MYO3B: variants seen among roughly 807,000 people sequenced by gnomAD.
MYO3B encodes myosin-IIIb.
In MYO3B, 156 loss-of-function variants were observed where a neutral mutation model predicts 174.6. The ratio of observed to expected loss-of-function variants is 0.89; its 90% confidence interval spans 0.78 to 1.02. The LOEUF (loss-of-function observed/expected upper bound fraction) is 1.02, where lower values mean the gene tolerates loss of function less well. MYO3B is among the 50% of genes least tolerant of loss of function. The pLI is 0.00. For synonymous variants in MYO3B, 563 were observed against 569.1 expected, an observed-to-expected ratio of 0.99 and a Z score of 0.15; for missense variants, 1,632 against 1,639.4, an observed-to-expected ratio of 1.00 and a Z score of 0.08.
intron 26 of MYO3B, among the ~76,000 whole-genome samples, chr2:170,499,088 CTGA>C (rs1575077296): frequency 6.6e-6 from 1 of 152,140 alleles, no homozygotes; most frequent in East Asian, 1.9e-4. Context: ...GCTGCATAGC[CTGA>C]TTATTAGTCT....
At chr2:170,391,749 G>T (rs1574903684) in intron 15 of MYO3B, 131 bp downstream of exon 15, 2 of 599,790 alleles carry the variant, frequency 3.3e-6, no homozygotes, top group East Asian at 6.4e-5. Context: ...CCCAGGGTGA[G>T]GTGGCAGGAA....
intron 4 of MYO3B, 58 bp from the exon 5 acceptor site, chr2:170,214,670 AG>A (rs1471110125): frequency 1.3e-6 from 2 of 1,493,584 alleles, no homozygotes; most frequent in Admixed American, 1.7e-5. Context: ...CTTTAAAATA[AG>A]CATGTAAATT....
Position 170,446,926 on chromosome 2 carries a change from G to T in MYO3B, c.2730+2880G>T, listed in dbSNP as rs79166906. ...AGAATTATGACTGAAAAACAAAAGG[G>T]TATGATTTAATGGTATTAAACTGGA... On this transcript the variant is annotated intron_variant, in intron 23 of 34. Transcript: ENST00000408978. Among the ~76,000 whole-genome samples the T allele has an allele frequency of 1.8e-4, 28 of 152,240 alleles. No homozygotes were observed. The East Asian group carries it at 4.8e-3, about 26-fold the overall frequency.
At chr2:170,325,364 T>A (rs796456516) in intron 7 of MYO3B, among the ~76,000 whole-genome samples, 101 of 152,078 alleles carry the variant, frequency 6.6e-4, no homozygotes, top group African/African-American at 2.3e-3. Flanking sequence ...CCCACCACCA[T>A]GTCCGGCTAA....
intron 8 of MYO3B, among the ~76,000 whole-genome samples, chr2:170,364,066 C>T (rs2094180925): frequency 6.6e-6 from 1 of 152,138 alleles, no homozygotes; most frequent in South Asian, 2.1e-4. Flanking sequence ...TTTGCAGAAA[C>T]AATAGCCCTC....
chr2:170,400,128 A>G (rs2094465417), intron 16 of MYO3B, 60 bp from the exon 17 acceptor site: 20 of 1,608,644 alleles, frequency 1.2e-5, no homozygotes, highest in Non-Finnish European at 1.5e-5. Context: ...CTACAGGTCT[A>G]ATGGTTCATT....
At chr2:170,382,139 C>A in intron 10 of MYO3B, 27 bp downstream of exon 10, 2 of 1,559,072 alleles carry the variant, frequency 1.3e-6, no homozygotes, top group South Asian at 1.1e-5. Flanking sequence ...AGACAATTCT[C>A]ATTGAAGACA....
Position 170,414,295 on chromosome 2 carries a change from C to T in MYO3B, c.2650+6451C>T, listed in dbSNP as rs545598209. ...ATCCATCTCCCAGGTTCAAGCAATT[C>T]TCCTGCCTCAGCCTCTTGAGTAGCT... is the stretch of plus-strand genomic sequence containing the variant. On this transcript the variant is annotated intron_variant, in intron 22 of 34. Transcript: ENST00000408978. Among the ~76,000 whole-genome samples the T allele has an allele frequency of 2.0e-3, 303 of 152,202 alleles. 1 individual carries two copies. Among genetic ancestry groups the T allele is most frequent in the African/African-American group, 7.1e-3 (295 of 41,544 alleles).
At chr2:170,603,888 G>A (rs1270908648) in intron 32 of MYO3B, among the ~76,000 whole-genome samples, 2 of 152,144 alleles carry the variant, frequency 1.3e-5, no homozygotes, top group Middle Eastern at 3.2e-3. Flanking sequence ...TAGGATGGTG[G>A]TCCCGTAAGA....
intron 22 of MYO3B, among the ~76,000 whole-genome samples, chr2:170,427,976 A>G (rs2094678611): frequency 6.6e-6 from 1 of 152,216 alleles, no homozygotes; most frequent in South Asian, 2.1e-4. Flanking sequence ...AGGAGAATAG[A>G]TGTTATAAAG....
intron 7 of MYO3B, among the ~76,000 whole-genome samples, chr2:170,244,008 G>A (rs541833945): frequency 5.7e-4 from 87 of 152,288 alleles, no homozygotes; most frequent in Middle Eastern, 3.4e-3. Context: ...CTGCACATGA[G>A]GAAGCAGGGC....
At chr2:170,336,094 G>A (rs1000089487) in intron 8 of MYO3B, among the ~76,000 whole-genome samples, 1 of 152,182 alleles carries the variant, frequency 6.6e-6, no homozygotes, top group South Asian at 2.1e-4. Context: ...GGGGTCATGG[G>A]CTTTTGGACC....
intron 22 of MYO3B, among the ~76,000 whole-genome samples, chr2:170,418,982 C>A (rs564899503): frequency 6.6e-6 from 1 of 152,276 alleles, no homozygotes; most frequent in African/African-American, 2.4e-5. Flanking sequence ...ATGGAGGGAT[C>A]CTTTGTGAGC....
intron 32 of MYO3B, among the ~76,000 whole-genome samples, chr2:170,587,231 A>T (rs1299514482): frequency 1.3e-5 from 2 of 152,262 alleles, no homozygotes; most frequent in Non-Finnish European, 2.9e-5. Context: ...CCTTCTACTT[A>T]TAAAACAATG....
At chr2:170,310,198 G>A (rs1291609624) in intron 7 of MYO3B, among the ~76,000 whole-genome samples, 1 of 152,200 alleles carries the variant, frequency 6.6e-6, no homozygotes, top group African/African-American at 2.4e-5. Flanking sequence ...TCGACGAAAA[G>A]CGTCAAACTC....
chr2:170,404,909 G>T (rs113279634), intron 20 of MYO3B, among the ~76,000 whole-genome samples: 5 of 152,128 alleles, frequency 3.3e-5, no homozygotes, highest in African/African-American at 1.2e-4. Flanking sequence ...AGGGCACCTC[G>T]TCCTGACATC....
intron 29 of MYO3B, among the ~76,000 whole-genome samples, chr2:170,519,043 C>T (rs1435380669): frequency 6.6e-6 from 1 of 152,192 alleles, no homozygotes; most frequent in Non-Finnish European, 1.5e-5. Context: ...GCTCCTTGCC[C>T]TATCCACATC....
chr2:170,600,278 G>A (rs546965797), intron 32 of MYO3B, among the ~76,000 whole-genome samples: 149 of 152,138 alleles, frequency 9.8e-4, no homozygotes, highest in Admixed American at 6.5e-3. Context: ...CATCACAAAA[G>A]CACGTAAAAT....
intron 32 of MYO3B, among the ~76,000 whole-genome samples, chr2:170,583,890 T>C (rs922574642): frequency 2.6e-5 from 4 of 152,198 alleles, no homozygotes; most frequent in African/African-American, 9.6e-5. Context: ...ATTTTCCATA[T>C]GTAACAGTAA....
Sources: allele counts gnomAD v4.1 joint callset (sites outside exome capture counted in the v4.1 genomes callset), GRCh38; gene constraint gnomAD v4.1.1; transcripts MANE v1.5; gene names NCBI Gene and HGNC (gene_info 2026-07-23, HGNC 2026-07-21).